Variants in ACSS3 observed in about 807,000 individuals in gnomAD.
ACSS3 encodes the protein acyl-CoA synthetase short-chain family member 3, mitochondrial.
A neutral mutation model predicts 84.2 loss-of-function variants in ACSS3; 64 were observed. That is an observed-to-expected ratio of 0.76 (90% CI 0.62 to 0.94). ACSS3 has a LOEUF of 0.94. ACSS3 is among the 40% of genes least tolerant of loss of function. The pLI is 0.00. For missense variants in ACSS3, 815 were observed against 867.6 expected (o/e 0.94, Z 0.76); for synonymous variants, 317 against 310.1 (o/e 1.02, Z -0.23).
chr12:81,228,938 G>A (rs1013486148), intron 11 of ACSS3, among the ~76,000 whole-genome samples: 10 of 151,646 alleles, frequency 6.6e-5, no homozygotes, highest in African/African-American at 2.4e-4. Flanking sequence ...CTCTCATCAT[G>A]GGCAATATTA....
At chr12:81,236,157 A>AT (rs1024626824) in intron 13 of ACSS3, among the ~76,000 whole-genome samples, 1 of 147,116 alleles carries the variant, frequency 6.8e-6, no homozygotes, top group Admixed American at 6.7e-5. Flanking sequence ...CTGAAGTGTT[A>AT]TTTTTAATTA....
intron 1 of ACSS3, among the ~76,000 whole-genome samples, chr12:81,093,274 A>AC (rs1284614062): frequency 6.6e-5 from 10 of 151,900 alleles, no homozygotes; most frequent in African/African-American, 1.9e-4. Context: ...ACATGGTGAG[A>AC]CCCCATCTCT....
At position 81,210,114 on chromosome 12, in the gene ACSS3, G is replaced by A. The variant is rs544155410; in HGVS notation, c.1355-6787G>A. On this transcript the variant is annotated intron_variant, in intron 9 of 15. Coordinates refer to ENST00000548058, the MANE Select transcript of ACSS3 (RefSeq NM_024560.4). ...ACCACTTTGGAAAGCAGCCCAGTAG[G>A]TCTCAGTATTATTTTACTCAGCCCC... Among the ~76,000 whole-genome samples, 24 of 152,204 alleles carry A rather than the reference G, an allele frequency of 1.6e-4. No homozygotes were observed. The South Asian group carries it at 5.0e-3, about 32-fold the overall frequency.
intron 2 of ACSS3, among the ~76,000 whole-genome samples, chr12:81,126,292 T>C (rs146180466): frequency 6.6e-6 from 1 of 152,354 alleles, no homozygotes; most frequent in East Asian, 1.9e-4. Context: ...TTAATGTCTA[T>C]AGTGGAGAGA....
intron 7 of ACSS3, among the ~76,000 whole-genome samples, chr12:81,153,334 G>A (rs1479664443): frequency 6.6e-6 from 1 of 151,752 alleles, no homozygotes; most frequent in African/African-American, 2.4e-5. Context: ...CTTGAACCTG[G>A]GAGGTAGAGG....
intron 8 of ACSS3, among the ~76,000 whole-genome samples, chr12:81,187,895 C>T (rs1451117296): frequency 6.6e-6 from 1 of 151,668 alleles, no homozygotes; most frequent in Non-Finnish European, 1.5e-5. Context: ...CGCAGGTAAG[C>T]CTGAGGCTAC....
intron 13 of ACSS3, among the ~76,000 whole-genome samples, chr12:81,252,385 T>G (rs1039895008): frequency 2.6e-5 from 4 of 152,146 alleles, no homozygotes; most frequent in African/African-American, 9.7e-5. Context: ...AGCGAATGTT[T>G]GCAACACAGG....
chr12:81,115,912 C>T (rs1280782180), intron 2 of ACSS3, among the ~76,000 whole-genome samples: 3 of 152,022 alleles, frequency 2.0e-5, no homozygotes, highest in Non-Finnish European at 4.4e-5. Context: ...GAAATGAAAG[C>T]TTGCCAGTAG....
chr12:81,218,811 C>A (rs886658648), intron 10 of ACSS3, among the ~76,000 whole-genome samples: 5 of 151,968 alleles, frequency 3.3e-5, no homozygotes, highest in Non-Finnish European at 7.4e-5. Flanking sequence ...AGTTTCTCAA[C>A]TGGCTTGCAG....
chr12:81,178,885 A>C (rs767791219), intron 8 of ACSS3, among the ~76,000 whole-genome samples: 3 of 152,222 alleles, frequency 2.0e-5, no homozygotes, highest in Non-Finnish European at 4.4e-5. Flanking sequence ...ATACTACCTG[A>C]CTTCAAACTA....
chr12:81,243,435 C>T (rs1362563461), intron 13 of ACSS3, among the ~76,000 whole-genome samples: 2 of 152,236 alleles, frequency 1.3e-5, no homozygotes, highest in African/African-American at 4.8e-5. Context: ...CCATACTGCC[C>T]AAGGTAATTT....
chr12:81,203,961 A>G (rs1057024118), intron 9 of ACSS3, among the ~76,000 whole-genome samples: 5 of 152,190 alleles, frequency 3.3e-5, no homozygotes, highest in Non-Finnish European at 1.5e-5. Flanking sequence ...TAATGGTTTC[A>G]TTAAAATATG....
chr12:81,236,382 CA>C (rs1241037204), intron 13 of ACSS3, among the ~76,000 whole-genome samples: 2 of 151,262 alleles, frequency 1.3e-5, no homozygotes, highest in African/African-American at 4.8e-5. Context: ...TATTATTAAT[CA>C]ATAGTAATTT....
chr12:81,230,598 TAA>T (rs1410377838), intron 11 of ACSS3, among the ~76,000 whole-genome samples: 2 of 151,808 alleles, frequency 1.3e-5, no homozygotes, highest in African/African-American at 4.8e-5. Flanking sequence ...GATTATGAAA[TAA>T]GTTTTTACAC....
intron 2 of ACSS3, among the ~76,000 whole-genome samples, chr12:81,132,847 C>G (rs1425565396): frequency 1.3e-5 from 2 of 152,072 alleles, no homozygotes; most frequent in Non-Finnish European, 2.9e-5. Flanking sequence ...TCTCGTTGGT[C>G]TCTCTCAGTG....
intron 1 of ACSS3, among the ~76,000 whole-genome samples, chr12:81,090,639 G>A (rs1881611750): frequency 6.6e-6 from 1 of 151,966 alleles, no homozygotes; most frequent in South Asian, 2.1e-4. Flanking sequence ...GAACCAAAGA[G>A]TTTGAAGTTT....
At chr12:81,132,072 A>G (rs529663364) in intron 2 of ACSS3, among the ~76,000 whole-genome samples, 173 of 152,276 alleles carry the variant, frequency 1.1e-3, no homozygotes, top group East Asian at 6.0e-3. Flanking sequence ...CATCAGGGAT[A>G]TTGGTCTAAA....
In ACSS3 at chr12:81,078,333, C is replaced by T. The variant is rs200770435; in HGVS notation, c.213C>T (p.Thr71=). Residue 71 remains threonine (T), a synonymous_variant, in exon 1 of 16, where the codon ACC becomes ACT. Coordinates refer to ENST00000548058, the MANE Select transcript of ACSS3 (RefSeq NM_024560.4). ...EYKTHFAASV[T]DPERFWGKAA... is the part of the protein sequence containing the mutation. ...AGACCCACTTCGCAGCCTCGGTGACCGACCCCGAGAGGTTCTGGGGCAAAG... is the reference window on the plus strand; with the variant it reads ...AGACCCACTTCGCAGCCTCGGTGACTGACCCCGAGAGGTTCTGGGGCAAAG... The T allele has an allele frequency of 1.9e-6, 3 of 1,612,478 alleles. No individual in the cohort carries two copies. Among genetic ancestry groups the T allele is most frequent in the South Asian group, 2.2e-5 (2 of 91,060 alleles).
rs145067142 is a variant in ACSS3 at position 81,184,333 on chromosome 12, A to G, written c.1250+9394A>G. Among the ~76,000 whole-genome samples, 544 of 152,064 alleles carry G rather than the reference A, an allele frequency of 3.6e-3. 2 individuals carry two copies. The highest frequency in any genetic ancestry group is 0.012 in the African/African-American group (509 of 41,556). On this transcript the variant is annotated intron_variant, in intron 8 of 15. Transcript: ENST00000548058. ...TTTATAGCAGTAAATGCCTACAATT[A>G]GAAAGAAGAAAGACCCCAAATAAAT...
Sources: allele counts gnomAD v4.1 joint callset (sites outside exome capture counted in the v4.1 genomes callset), GRCh38; gene constraint gnomAD v4.1.1; transcripts MANE v1.5; gene names NCBI Gene and HGNC (gene_info 2026-07-23, HGNC 2026-07-21).